The following CD1D variants were observed in gnomAD, a reference collection of about 807,000 sequenced individuals.
CD1D encodes CD1d molecule.
Under a neutral mutation model 42.1 loss-of-function variants are expected in CD1D, and 40 were observed. The observed-to-expected ratio is 0.95, with a 90% confidence interval of 0.74 to 1.24. CD1D has a LOEUF of 1.24. CD1D is among the 50% of genes most tolerant of loss of function. The pLI, the probability that CD1D is intolerant of heterozygous loss-of-function variation, is 0.00. For synonymous variants in CD1D, 178 were observed against 171.8 expected (o/e 1.04, Z -0.28); for missense variants, 437 against 416.5 (o/e 1.05, Z -0.43).
In CD1D at chr1:158,184,000, C is replaced by T. The variant is rs1433465892; in HGVS notation, c.951C>T (p.Leu317=). 1 of 1,614,182 alleles carries T rather than the reference C, an allele frequency of 6.2e-7. No individual in the cohort carries two copies. The highest frequency in any genetic ancestry group is 1.3e-5 in the African/African-American group (1 of 75,050). Residue 317 remains leucine, a synonymous_variant, in exon 5 of 6, where the codon CTC becomes CTT. Transcript: ENST00000674085. The stretch of plus-strand genomic sequence containing the variant: ...TCCTGGCGTGCTTGCTGTTCCTCCT[C>T]ATTGTGGGCTTTACCTCCCGGTTTA... ...LAVLACLLFL[L]IVGFTSRFKR...
chr1:158,181,624 C>T lies in CD1D; in HGVS notation c.231C>T (p.Ser77=), dbSNP rs748442325. 1 of 1,613,970 alleles carries T rather than the reference C, an allele frequency of 6.2e-7. No individual in the cohort carries two copies. Among genetic ancestry groups the T allele is most frequent in the Non-Finnish European group, 8.5e-7 (1 of 1,180,032 alleles). Reference sequence around the variant, plus strand: ...AGCCTTGGTCCCAGGGCACGTTCAGCGACCAGCAGTGGGAGACGCTGCAGC... The same window carrying T: ...AGCCTTGGTCCCAGGGCACGTTCAGTGACCAGCAGTGGGAGACGCTGCAGC... The part of the protein sequence containing the change: ...SLKPWSQGTF[S]DQQWETLQHI... The change falls in exon 2 of 6, where the codon AGC becomes AGT. Residue 77 remains serine (S), a synonymous_variant. Coordinates refer to ENST00000674085, the MANE Select transcript of CD1D (RefSeq NM_001371762.2).
intron 3 of CD1D, 92 bp from the exon 4 acceptor site, chr1:158,182,786 G>A (rs1648506224): frequency 7.8e-6 from 11 of 1,403,624 alleles, no homozygotes; most frequent in African/African-American, 1.4e-5. Flanking sequence ...GGGAAATAAA[G>A]ACCTGAAAGT....
chr1:158,183,301 G>T, intron 4 of CD1D, 145 bp downstream of exon 4: 2 of 956,832 alleles, frequency 2.1e-6, no homozygotes, highest in Non-Finnish European at 1.5e-6. Context: ...AGAGAGAGGG[G>T]TTCCAGACAC....
chr1:158,186,164 G>A lies in CD1D; in HGVS notation c.*2014G>A, dbSNP rs1417663655. On this transcript the variant is annotated 3_prime_UTR_variant, in exon 6 of 6. Transcript: ENST00000674085. ...TCCTAGACTTGTGGAGTTCAAGTGTGTAATGCCTTAAAAGATGTGGAGGCT... is the reference window on the plus strand; with the variant it reads ...TCCTAGACTTGTGGAGTTCAAGTGTATAATGCCTTAAAAGATGTGGAGGCT... 6.6e-6 allele frequency among the ~76,000 whole-genome samples: 1 copy of A among 152,166 alleles called. No homozygotes were observed. The highest frequency in any genetic ancestry group is 1.5e-5 in the Non-Finnish European group (1 of 68,036).
intron 3 of CD1D, among the ~76,000 whole-genome samples, chr1:158,182,637 G>A (rs1648499363): frequency 6.6e-6 from 1 of 152,130 alleles, no homozygotes; most frequent in South Asian, 2.1e-4. Flanking sequence ...AACAGACAAG[G>A]GGCATTCATA....
At chr1:158,178,540 C>T (rs1648256273), upstream of CD1D, among the ~76,000 whole-genome samples, 1 of 152,108 alleles carries the variant, frequency 6.6e-6, no homozygotes, top group African/African-American at 2.4e-5. Flanking sequence ...GAACTGAAAC[C>T]AAGTAAGTCC....
rs1246680305 is a variant in CD1D at position 158,185,746 on chromosome 1, A to G, written c.*1596A>G. Among the ~76,000 whole-genome samples, 1 of 152,194 alleles carries G rather than the reference A, an allele frequency of 6.6e-6. No individual in the cohort carries two copies. Among genetic ancestry groups the G allele is most frequent in the African/African-American group, 2.4e-5 (1 of 41,432 alleles). ...CCCAAATTGTAGTAACCTGACCAAC[A>G]GCCTCAGCAGGACCTGGGAACTTGT... On this transcript the variant is annotated 3_prime_UTR_variant, in exon 6 of 6. Transcript: ENST00000674085.
chr1:158,183,829 A>G, intron 4 of CD1D, 107 bp from the exon 5 acceptor site: 1 of 826,562 alleles, frequency 1.2e-6, no homozygotes, highest in Non-Finnish European at 2.0e-6. Flanking sequence ...TAAGTGGAGG[A>G]GGAAATAAGA....
Position 158,182,000 on chromosome 1 carries a change from C to T in CD1D, c.329-32C>T, listed in dbSNP as rs754146266. On this transcript the variant is annotated intron_variant, in intron 2 of 5. Coordinates refer to ENST00000674085, the MANE Select transcript of CD1D (RefSeq NM_001371762.2). ...TTCATCTCTCCCAGTCTTTTAAACC[C>T]TTCTTTGATCTTTCTCCATTCCTCT... is the stretch of plus-strand genomic sequence containing the variant. The T allele has an allele frequency of 7.7e-6, 12 of 1,558,396 alleles. No individual in the cohort carries two copies. In the Admixed American group the frequency reaches 1.2e-4, roughly 15 times the overall value.
At chr1:158,182,789 C>A (rs1648506636) in intron 3 of CD1D, 89 bp from the exon 4 acceptor site, 1 of 1,440,688 alleles carries the variant, frequency 6.9e-7, no homozygotes, top group South Asian at 1.4e-5. Context: ...AAATAAAGAC[C>A]TGAAAGTCAA....
chr1:158,181,947 T>G, intron 2 of CD1D, 85 bp from the exon 3 acceptor site: 1 of 1,493,378 alleles, frequency 6.7e-7, no homozygotes, highest in Non-Finnish European at 9.0e-7. Flanking sequence ...TGGGTCCCCA[T>G]TATAACCTGC....
upstream of CD1D, among the ~76,000 whole-genome samples, chr1:158,179,373 G>A (rs1472599974): frequency 6.6e-6 from 1 of 152,118 alleles, no homozygotes; most frequent in East Asian, 1.9e-4. Context: ...CCTAGAGTGT[G>A]GTGCAGTAGC....
Position 158,186,117 on chromosome 1 carries a change from T to C in CD1D, c.*1967T>C, listed in dbSNP as rs75936247. Among the ~76,000 whole-genome samples the C allele has an allele frequency of 0.1, 15,800 of 152,168 alleles. 1,377 individuals are homozygous for C. Among genetic ancestry groups the C allele is most frequent in the East Asian group, 0.45 (2,308 of 5,156 alleles). On this transcript the variant is annotated 3_prime_UTR_variant, in exon 6 of 6. Transcript: ENST00000674085. ...TTCCTCCTGTGCCAAAGGAGGATAA[T>C]AATTATCTATTATTGATTATCTCCT...
upstream of CD1D, among the ~76,000 whole-genome samples, chr1:158,178,119 T>A (rs1388376795): frequency 2.0e-5 from 3 of 152,172 alleles, no homozygotes; most frequent in African/African-American, 7.2e-5. Flanking sequence ...TTTTAGTGGA[T>A]CTCCAGGTTA....
At position 158,185,721 on chromosome 1, in the gene CD1D, C is replaced by T. The variant is rs1207582194; in HGVS notation, c.*1571C>T. Among the ~76,000 whole-genome samples the T allele has an allele frequency of 1.3e-5, 2 of 152,056 alleles. No individual in the cohort carries two copies. Among genetic ancestry groups the T allele is most frequent in the African/African-American group, 2.4e-5 (1 of 41,376 alleles). On this transcript the variant is annotated 3_prime_UTR_variant, in exon 6 of 6. Transcript: ENST00000674085. ...TATGCTAGCTTTTAAATCAATGGTT[C>T]CCAAATTGTAGTAACCTGACCAACA...
rs1009318539 is a variant in CD1D at position 158,185,280 on chromosome 1, A to G, written c.*1130A>G. Reference sequence around the variant, plus strand: ...TGGCAGTCAGGGTCCCTGAACACCCAGAAAAAATAAGTGAGACTTAACGGT... The same window carrying G: ...TGGCAGTCAGGGTCCCTGAACACCCGGAAAAAATAAGTGAGACTTAACGGT... On this transcript the variant is annotated 3_prime_UTR_variant, in exon 6 of 6. Transcript: ENST00000674085. Among the ~76,000 whole-genome samples, 10 of 152,358 alleles carry G rather than the reference A, an allele frequency of 6.6e-5. No homozygotes were observed. The East Asian group carries it at 1.9e-3, about 29-fold the overall frequency.
rs750835168 is a variant in CD1D at position 158,184,359 on chromosome 1, A to G, written c.*209A>G. ...GAATTTAAATTCTTTTTCAAAAATT[A>G]CACTACAAGTTTATAAGCCCAAATG... On this transcript the variant is annotated 3_prime_UTR_variant, in exon 6 of 6. Transcript: ENST00000674085. 15 of 605,234 alleles carry G rather than the reference A, an allele frequency of 2.5e-5. No individual in the cohort carries two copies. The highest frequency in any genetic ancestry group is 4.4e-4 in the Middle Eastern group (1 of 2,256). The allele number at this position is 605,234 out of a possible 1,614,324, so 37.5% of individuals were successfully genotyped here.
chr1:158,182,754 T>C, intron 3 of CD1D, 124 bp from the exon 4 acceptor site: 3 of 1,144,052 alleles, frequency 2.6e-6, no homozygotes, highest in Non-Finnish European at 3.8e-6. Context: ...GAAGTGAACA[T>C]GTCAGGGGCA....
chr1:158,184,286 A>G lies in CD1D; in HGVS notation c.*136A>G. 1.2e-6 allele frequency: 1 copy of G among 847,270 alleles called. No individual in the cohort carries two copies. Among genetic ancestry groups the G allele is most frequent in the Non-Finnish European group, 1.9e-6 (1 of 521,732 alleles). The allele number at this position is 847,270 out of a possible 1,614,324, so 52.5% of individuals were successfully genotyped here. A position where few individuals can be genotyped will look rare whatever the true frequency, so the allele number is the denominator to read the frequency against. ...GAGAGATACCTTGAAAAAGTAGAGA[A>G]CAGTCATGAGGCAGCTTTCATCACA... On this transcript the variant is annotated 3_prime_UTR_variant, in exon 6 of 6. Transcript: ENST00000674085.
Sources: allele counts gnomAD v4.1 joint callset (sites outside exome capture counted in the v4.1 genomes callset), GRCh38; gene constraint gnomAD v4.1.1; transcripts MANE v1.5; gene names NCBI Gene and HGNC (gene_info 2026-07-23, HGNC 2026-07-21).